SCFD2: variants seen among roughly 807,000 people sequenced by gnomAD.
SCFD2 encodes the protein sec1 family domain-containing protein 2.
Under a neutral mutation model 58.9 loss-of-function variants are expected in SCFD2, and 54 were observed. The observed-to-expected ratio is 0.92, with a 90% CI of 0.74 to 1.15. The LOEUF is 1.15. Among genes scored for constraint, SCFD2 ranks in the 50% most tolerant of loss-of-function variants. The pLI, the probability that SCFD2 is intolerant of heterozygous loss-of-function variation, is 0.00. For missense variants in SCFD2, 805 were observed against 836.6 expected (o/e 0.96, Z 0.47); for synonymous variants, 321 against 335.9 (o/e 0.96, Z 0.49).
intron 4 of SCFD2, among the ~76,000 whole-genome samples, chr4:53,209,989 GC>G (rs1269430754): frequency 1.3e-5 from 2 of 152,046 alleles, no homozygotes; most frequent in East Asian, 1.9e-4. Flanking sequence ...CTTTTGAAGT[GC>G]TTTTTCAATT....
At chr4:53,271,079 A>G (rs1292599224) in intron 4 of SCFD2, among the ~76,000 whole-genome samples, 1 of 152,158 alleles carries the variant, frequency 6.6e-6, no homozygotes, top group Non-Finnish European at 1.5e-5. Flanking sequence ...TACATAATGA[A>G]GAAATAAGCT....
At chr4:53,292,041 A>C (rs1203071455) in intron 3 of SCFD2, among the ~76,000 whole-genome samples, 1 of 152,126 alleles carries the variant, frequency 6.6e-6, no homozygotes, top group African/African-American at 2.4e-5. Context: ...TGAATTAAAG[A>C]CTTAAATGTA....
intron 5 of SCFD2, chr4:52,948,442 C>T (rs954364643): frequency 2.2e-6 from 1 of 449,838 alleles, no homozygotes; most frequent in Non-Finnish European, 4.5e-6. Context: ...GAACTCTCAG[C>T]CTCAGTTTCT....
intron 3 of SCFD2, among the ~76,000 whole-genome samples, chr4:53,293,046 G>A (rs1241826118): frequency 6.6e-6 from 1 of 150,788 alleles, no homozygotes; most frequent in Non-Finnish European, 1.5e-5. Flanking sequence ...TAAAAAATAA[G>A]AATATATATA....
chr4:53,217,106 G>A (rs550543086), intron 4 of SCFD2, among the ~76,000 whole-genome samples: 2 of 152,288 alleles, frequency 1.3e-5, no homozygotes, highest in South Asian at 4.1e-4. Context: ...GTGGTGCTGA[G>A]AAGAATGTAT....
At chr4:52,907,887 A>G (rs1185655534) in intron 6 of SCFD2, among the ~76,000 whole-genome samples, 1 of 152,186 alleles carries the variant, frequency 6.6e-6, no homozygotes, top group African/African-American at 2.4e-5. Flanking sequence ...TAATTTTTCT[A>G]TTTAAAGTGA....
At chr4:53,107,057 G>C (rs750591276) in intron 5 of SCFD2, among the ~76,000 whole-genome samples, 7 of 152,204 alleles carry the variant, frequency 4.6e-5, no homozygotes, top group Non-Finnish European at 1.0e-4. Flanking sequence ...CCAGAAGAGA[G>C]TGGGGGCCAA....
intron 5 of SCFD2, among the ~76,000 whole-genome samples, chr4:53,139,051 T>C (rs1164321951): frequency 1.3e-5 from 2 of 152,138 alleles, no homozygotes; most frequent in Non-Finnish European, 2.9e-5. Context: ...TTGTATTTTT[T>C]GGGAAGACGG....
chr4:53,365,093 A>C lies in SCFD2; in HGVS notation c.838+11T>G, dbSNP rs1285429783. 10 of 1,611,696 alleles carry C rather than the reference A, an allele frequency of 6.2e-6. No homozygotes were observed. Among genetic ancestry groups the C allele is most frequent in the Admixed American group, 3.4e-5 (2 of 59,650 alleles). Reference sequence around the variant, plus strand: ...GAATGGTAATGAAGAACTCCAGAGCAATGCACTTACCTGTGAGATCCAGGG... The same window carrying C: ...GAATGGTAATGAAGAACTCCAGAGCCATGCACTTACCTGTGAGATCCAGGG... On this transcript the variant is annotated intron_variant, in intron 1 of 8. Transcript: ENST00000401642. The surrounding 1 kb of genome is among the most constrained non-coding windows in gnomAD (Gnocchi z 4.3).
At chr4:53,214,782 T>G (rs556825720) in intron 4 of SCFD2, among the ~76,000 whole-genome samples, 23 of 152,308 alleles carry the variant, frequency 1.5e-4, no homozygotes, top group Non-Finnish European at 2.9e-4. Context: ...TTTTATGGTT[T>G]TAGGTCTAAC....
intron 5 of SCFD2, among the ~76,000 whole-genome samples, chr4:53,138,935 G>A (rs901001254): frequency 6.7e-5 from 10 of 148,940 alleles, no homozygotes; most frequent in African/African-American, 2.2e-4. Context: ...AGGCTGGACT[G>A]TACTGCCGCC....
intron 4 of SCFD2, among the ~76,000 whole-genome samples, chr4:53,264,557 T>C (rs191052890): frequency 6.6e-6 from 1 of 152,226 alleles, no homozygotes; most frequent in African/African-American, 2.4e-5. Flanking sequence ...AACTCAATCC[T>C]AATTATAAAT....
At chr4:53,085,961 C>T (rs1196066022) in intron 5 of SCFD2, among the ~76,000 whole-genome samples, 3 of 152,136 alleles carry the variant, frequency 2.0e-5, no homozygotes, top group Admixed American at 2.0e-4. Flanking sequence ...TGGCAACTCT[C>T]CAGGAAATTG....
At chr4:52,968,523 G>A (rs981735533) in intron 5 of SCFD2, among the ~76,000 whole-genome samples, 1 of 152,114 alleles carries the variant, frequency 6.6e-6, no homozygotes, top group Non-Finnish European at 1.5e-5. Context: ...TGTGTGTTCA[G>A]CATTTATGTA....
At chr4:53,100,481 A>G (rs573993793) in intron 5 of SCFD2, among the ~76,000 whole-genome samples, 1 of 152,364 alleles carries the variant, frequency 6.6e-6, no homozygotes, top group South Asian at 2.1e-4. Context: ...TGATTATTTA[A>G]TTAGCCATAA....
In SCFD2 at chr4:52,997,630, C is replaced by T. The variant is rs566706962; in HGVS notation, c.1562-76760G>A. Among the ~76,000 whole-genome samples the T allele has an allele frequency of 7.9e-5, 12 of 152,256 alleles. No individual in the cohort carries two copies. The South Asian group carries it at 2.3e-3, about 29-fold the overall frequency. On this transcript the variant is annotated intron_variant, in intron 5 of 8. Transcript: ENST00000401642. ...GGGAATGGTAAAGCATCAAAAAGGC[C>T]AACCTCAGGGCTTAGGCCTGGGGAA...
intron 4 of SCFD2, among the ~76,000 whole-genome samples, chr4:53,273,280 C>G (rs555920479): frequency 6.6e-6 from 1 of 152,090 alleles, no homozygotes; most frequent in Non-Finnish European, 1.5e-5. Context: ...AAAACACATA[C>G]TACATATTTT....
intron 4 of SCFD2, among the ~76,000 whole-genome samples, chr4:53,170,835 T>G (rs1447380742): frequency 6.6e-6 from 1 of 152,188 alleles, no homozygotes; most frequent in Non-Finnish European, 1.5e-5. Context: ...GTTAGTTAGC[T>G]GTTGGTGTAT....
intron 2 of SCFD2, among the ~76,000 whole-genome samples, chr4:53,328,888 G>A (rs530734807): frequency 4.3e-4 from 65 of 152,340 alleles, no homozygotes; most frequent in African/African-American, 1.3e-3. Context: ...GTGGGTGCGC[G>A]CACCATGCGC....
Sources: allele counts gnomAD v4.1 joint callset (sites outside exome capture counted in the v4.1 genomes callset), GRCh38; gene constraint gnomAD v4.1.1; non-coding constraint Gnocchi (gnomAD v3.1); transcripts MANE v1.5; gene names NCBI Gene and HGNC (gene_info 2026-07-23, HGNC 2026-07-21).